GRID1: variants seen among roughly 807,000 people sequenced by gnomAD.
GRID1 encodes glutamate ionotropic receptor delta type subunit 1, also known as glutamate receptor ionotropic, delta-1.
Under a neutral mutation model 98.0 loss-of-function variants are expected in GRID1, and 28 were observed. That is an observed-to-expected ratio of 0.29 (90% CI 0.21 to 0.39). The LOEUF (loss-of-function observed/expected upper bound fraction) is 0.39. Ranked by LOEUF, GRID1 falls within the 10% of genes least tolerant of loss-of-function variation. The pLI is 1.00. For synonymous variants in GRID1, 553 were observed against 538.5 expected, an observed-to-expected ratio of 1.03 and a Z score of -0.37; for missense variants, 1,111 against 1,340.5, an observed-to-expected ratio of 0.83 and a Z score of 2.67.
rs963351524 is a variant in GRID1, at chr10:85,616,380, T to C, written c.2361-2733A>G. On this transcript the variant is annotated intron_variant, in intron 14 of 15. Transcript: ENST00000327946. ...TTCTGACCCAGGAGGCCATGCTCTT[T>C]CCAGAACAGCAGGCTGTTCTTCCGG... 4.3e-4 allele frequency among the ~76,000 whole-genome samples: 65 copies of C among 152,208 alleles called. 1 individual carries two copies. The highest frequency in any genetic ancestry group is 8.8e-5 in the Non-Finnish European group (6 of 68,038).
chr10:85,873,636 A>G (rs1843300272), intron 5 of GRID1, among the ~76,000 whole-genome samples: 1 of 152,196 alleles, frequency 6.6e-6, no homozygotes, highest in Admixed American at 6.5e-5. Context: ...AGCAGCCTTC[A>G]TCATGCTCTG....
At chr10:86,120,908 C>T (rs547106821) in intron 4 of GRID1, among the ~76,000 whole-genome samples, 1 of 152,252 alleles carries the variant, frequency 6.6e-6, no homozygotes, top group East Asian at 1.9e-4. Context: ...TCCTCCCTGG[C>T]TTGAGGCTGG....
chr10:86,111,642 C>G (rs1844486246), intron 4 of GRID1, among the ~76,000 whole-genome samples: 1 of 152,220 alleles, frequency 6.6e-6, no homozygotes, highest in Admixed American at 6.5e-5. Flanking sequence ...TTAACCCAAG[C>G]TACATTCAAC....
chr10:86,295,333 C>T (rs563088579), intron 2 of GRID1, among the ~76,000 whole-genome samples: 39 of 152,200 alleles, frequency 2.6e-4, no homozygotes, highest in African/African-American at 8.9e-4. Context: ...TGGGTGATGG[C>T]CTGGAGCAAA....
intron 2 of GRID1, among the ~76,000 whole-genome samples, chr10:86,341,175 C>T (rs1165373397): frequency 6.6e-6 from 1 of 152,186 alleles, no homozygotes; most frequent in East Asian, 1.9e-4. Context: ...TTAAGAAACC[C>T]CCTGCTCCAG....
intron 4 of GRID1, among the ~76,000 whole-genome samples, chr10:86,041,907 C>T (rs1184997517): frequency 6.6e-6 from 1 of 152,192 alleles, no homozygotes; most frequent in Non-Finnish European, 1.5e-5. Flanking sequence ...CCTCACGCTG[C>T]CTGCTACTGA....
At position 85,674,017 on chromosome 10, in the gene GRID1, T is replaced by C. The variant is rs561249651; in HGVS notation, c.1998-26620A>G. Among the ~76,000 whole-genome samples the C allele has an allele frequency of 5.3e-4, 80 of 152,264 alleles. No individual in the cohort carries two copies. The South Asian group carries it at 0.015, about 29-fold the overall frequency. ...TCACTCTTCTTAATTAATGGATCCA[T>C]TTTTTTAACCTTAGGTTAAAATGAG... is the stretch of plus-strand genomic sequence containing the variant. On this transcript the variant is annotated intron_variant, in intron 12 of 15. Coordinates refer to ENST00000327946, the MANE Select transcript of GRID1 (RefSeq NM_017551.3).
chr10:86,250,706 C>T lies in GRID1; in HGVS notation c.236-44058G>A, dbSNP rs985495318. 1.4e-3 allele frequency among the ~76,000 whole-genome samples: 214 copies of T among 151,590 alleles called. 3 individuals carry two copies. The highest frequency in any genetic ancestry group is 3.8e-4 in the Non-Finnish European group (26 of 67,780). On this transcript the variant is annotated intron_variant, in intron 2 of 15. Transcript: ENST00000327946. ...AGGTGGGGGACAGCCCCCGCCCAGC[C>T]GCCGCCCCGTCTGGGAGGTGGGGGG...
chr10:86,056,426 T>C (rs1843573568), intron 4 of GRID1, among the ~76,000 whole-genome samples: 1 of 152,140 alleles, frequency 6.6e-6, no homozygotes, highest in Non-Finnish European at 1.5e-5. Context: ...AAGGAAGAAT[T>C]GTCCTTCAAG....
intron 12 of GRID1, among the ~76,000 whole-genome samples, chr10:85,702,494 A>T (rs1590196112): frequency 6.6e-6 from 1 of 152,152 alleles, no homozygotes; most frequent in Non-Finnish European, 1.5e-5. Context: ...AATAAATGGG[A>T]TATAAATAAT....
intron 4 of GRID1, among the ~76,000 whole-genome samples, chr10:86,105,997 T>C (rs1446113988): frequency 6.6e-6 from 1 of 152,114 alleles, no homozygotes; most frequent in Non-Finnish European, 1.5e-5. Flanking sequence ...GAAAGGCCAG[T>C]GTTCCCAATT....
intron 4 of GRID1, among the ~76,000 whole-genome samples, chr10:85,965,831 A>G (rs1004799609): frequency 1.3e-5 from 2 of 152,164 alleles, no homozygotes; most frequent in Non-Finnish European, 2.9e-5. Flanking sequence ...CCAAAGCCAT[A>G]TAACAACCTA....
At chr10:86,295,017 A>G (rs1001695573) in intron 2 of GRID1, among the ~76,000 whole-genome samples, 3 of 152,172 alleles carry the variant, frequency 2.0e-5, no homozygotes, top group Non-Finnish European at 2.9e-5. Flanking sequence ...AGCTACACAT[A>G]AGTCATGAGA....
intron 2 of GRID1, among the ~76,000 whole-genome samples, chr10:86,319,182 A>G (rs995976758): frequency 6.6e-6 from 1 of 152,128 alleles, no homozygotes; most frequent in Admixed American, 6.5e-5. Context: ...GGAGTAGATG[A>G]GGCCAAAATG....
At chr10:86,065,633 T>C (rs1276267282) in intron 4 of GRID1, among the ~76,000 whole-genome samples, 2 of 152,214 alleles carry the variant, frequency 1.3e-5, no homozygotes, top group Admixed American at 1.3e-4. Flanking sequence ...GCCAGGCCCT[T>C]AGTCAGGGCT....
chr10:86,287,868 G>A (rs954815479), intron 2 of GRID1, among the ~76,000 whole-genome samples: 14 of 151,640 alleles, frequency 9.2e-5, no homozygotes, highest in South Asian at 2.1e-4. Flanking sequence ...ATGGCAGAAG[G>A]TGGCTGGCAT....
chr10:86,237,200 C>G (rs1370917053), intron 2 of GRID1, among the ~76,000 whole-genome samples: 3 of 152,116 alleles, frequency 2.0e-5, no homozygotes, highest in Non-Finnish European at 4.4e-5. Context: ...TGCCCTAACC[C>G]CCAGTACCTC....
intron 4 of GRID1, among the ~76,000 whole-genome samples, chr10:86,131,187 T>G (rs1226628443): frequency 6.6e-6 from 1 of 151,632 alleles, no homozygotes; most frequent in Non-Finnish European, 1.5e-5. Flanking sequence ...TCCCCCTGCA[T>G]CCCACCACGT....
At chr10:86,117,615 C>T (rs746831947) in intron 4 of GRID1, among the ~76,000 whole-genome samples, 137 of 150,544 alleles carry the variant, frequency 9.1e-4, no homozygotes, top group Non-Finnish European at 1.6e-3. Flanking sequence ...CCACTATCAC[C>T]ACCACCACCA....
Sources: allele counts gnomAD v4.1 joint callset (sites outside exome capture counted in the v4.1 genomes callset), GRCh38; gene constraint gnomAD v4.1.1; transcripts MANE v1.5; gene names NCBI Gene and HGNC (gene_info 2026-07-23, HGNC 2026-07-21).